The following SMAD3 variants were observed in gnomAD, a reference collection of about 807,000 sequenced individuals.
The protein encoded by SMAD3 is MAD homolog 3.
A neutral mutation model predicts 51.8 loss-of-function variants in SMAD3; 12 were observed. The ratio of observed to expected loss-of-function variants is 0.23; its 90% CI spans 0.15 to 0.38. SMAD3 has a LOEUF of 0.38. Ranked by LOEUF, SMAD3 falls within the 10% of genes least tolerant of loss-of-function variation. SMAD3 has a pLI of 1.00. For missense variants in SMAD3, 294 were observed against 565.6 expected (o/e 0.52, Z 4.87); for synonymous variants, 238 against 227.7 (o/e 1.05, Z -0.41).
chr15:67,096,425 A>ATAC (rs1179240221), intron 1 of SMAD3, among the ~76,000 whole-genome samples: 1 of 152,254 alleles, frequency 6.6e-6, no homozygotes, highest in Non-Finnish European at 1.5e-5. Context: ...GTGATTCCAC[A>ATAC]TACTAGTTAA....
intron 1 of SMAD3, among the ~76,000 whole-genome samples, chr15:67,162,695 C>T (rs555085104): frequency 1.1e-4 from 16 of 152,078 alleles, no homozygotes; most frequent in South Asian, 8.3e-4. Context: ...TCTGTTCTTC[C>T]GACCTCACCA....
chr15:67,125,064 G>A (rs2140246767), intron 1 of SMAD3, among the ~76,000 whole-genome samples: 1 of 152,366 alleles, frequency 6.6e-6, no homozygotes, highest in East Asian at 1.9e-4. Context: ...AGAGAGCTGG[G>A]TGGGTCGGGG....
intron 1 of SMAD3, among the ~76,000 whole-genome samples, chr15:67,102,583 C>A (rs12901820): frequency 6.6e-5 from 10 of 152,018 alleles, no homozygotes; most frequent in Non-Finnish European, 1.3e-4. Context: ...CTGGGATGAC[C>A]TGTGTGTATA....
chr15:67,150,273 C>A (rs1450642146), intron 1 of SMAD3, among the ~76,000 whole-genome samples: 2 of 151,806 alleles, frequency 1.3e-5, no homozygotes, highest in Non-Finnish European at 2.9e-5. Flanking sequence ...TTAAGGAAGT[C>A]AAAACTGTGC....
chr15:67,165,415 G>A (rs764226454), intron 3 of SMAD3, 31 bp downstream of exon 3: 5 of 1,612,678 alleles, frequency 3.1e-6, no homozygotes, highest in Non-Finnish European at 3.4e-6. Context: ...GGCTGGCCTG[G>A]GAGGCAGGGG....
intron 1 of SMAD3, among the ~76,000 whole-genome samples, chr15:67,088,497 G>A (rs995734885): frequency 5.3e-5 from 8 of 152,216 alleles, no homozygotes; most frequent in African/African-American, 1.9e-4. Flanking sequence ...AAGCTGCCCA[G>A]GGCCCAAGCG....
intron 4 of SMAD3, among the ~76,000 whole-genome samples, chr15:67,168,523 G>A (rs1372276786): frequency 6.6e-6 from 1 of 152,170 alleles, no homozygotes; most frequent in African/African-American, 2.4e-5. Flanking sequence ...CCCACTCTGC[G>A]CTCCCTCTTC....
At chr15:67,131,159 A>G (rs926123591) in intron 1 of SMAD3, among the ~76,000 whole-genome samples, 1 of 152,202 alleles carries the variant, frequency 6.6e-6, no homozygotes, top group Non-Finnish European at 1.5e-5. Context: ...CTTGTCCTAC[A>G]TGCTATTGCC....
intron 1 of SMAD3, chr15:67,146,795 G>A (rs777896588): frequency 6.6e-6 from 1 of 152,136 alleles, no homozygotes; most frequent in South Asian, 2.1e-4. Flanking sequence ...GTAGAAAAAA[G>A]GCTCTTTCTC....
chr15:67,077,377 A>C (rs1960193355), intron 1 of SMAD3, among the ~76,000 whole-genome samples: 4 of 152,202 alleles, frequency 2.6e-5, no homozygotes, highest in South Asian at 4.1e-4. Flanking sequence ...CTCACCCTCA[A>C]CCCAGGCCAG....
chr15:67,103,640 G>T (rs765778576), intron 1 of SMAD3, among the ~76,000 whole-genome samples: 19 of 152,290 alleles, frequency 1.2e-4, no homozygotes, highest in Non-Finnish European at 2.4e-4. Context: ...TGTGACTGCT[G>T]GTTGTGGAGC....
intron 1 of SMAD3, among the ~76,000 whole-genome samples, chr15:67,112,841 C>T (rs1227975528): frequency 7.6e-6 from 1 of 131,016 alleles, no homozygotes; most frequent in African/African-American, 3.0e-5. Context: ...AGGGGTTCAA[C>T]TTCATTCTTT....
chr15:67,160,981 A>G (rs1219328599), intron 1 of SMAD3, among the ~76,000 whole-genome samples: 2 of 150,400 alleles, frequency 1.3e-5, no homozygotes, highest in Admixed American at 1.3e-4. Flanking sequence ...TTTTTTTTTT[A>G]TTATTATTAA....
At position 67,184,760 on chromosome 15, in the gene SMAD3, A is replaced by T. The variant is rs1963176216; in HGVS notation, c.905A>T (p.Glu302Val). The change falls in exon 7 of 9, where the codon GAG becomes GTG. Residue 302 changes from glutamate (E) to valine (V), a missense_variant. By Grantham distance (121) the Glu-to-Val change is moderately radical. Transcript: ENST00000327367. ...RGVRLYYIGG[E>V]VFAECLSDSA... ...GTGCGGCTCTACTACATCGGAGGGG[A>T]GGTCTTCGCAGAGTGCCTCAGTGAC... 6.2e-7 allele frequency: 1 copy of T among 1,613,758 alleles called. No homozygotes were observed. Among genetic ancestry groups the T allele is most frequent in the Non-Finnish European group, 8.5e-7 (1 of 1,180,032 alleles).
At chr15:67,150,847 CTTTTTTT>C (rs58914503) in intron 1 of SMAD3, among the ~76,000 whole-genome samples, 1,026 of 14,580 alleles carry the variant, frequency 0.07, 14 homozygotes, top group Non-Finnish European at 0.096. Flanking sequence ...ATTTCTCAGT[CTTTTTTT>C]TTTTTTTTTT....
At chr15:67,121,937 C>G (rs544188157) in intron 1 of SMAD3, among the ~76,000 whole-genome samples, 22 of 152,334 alleles carry the variant, frequency 1.4e-4, no homozygotes, top group Middle Eastern at 6.8e-3. Flanking sequence ...TATCCACCAC[C>G]CTCATGTGGC....
intron 1 of SMAD3, among the ~76,000 whole-genome samples, chr15:67,103,365 C>G (rs1349401253): frequency 6.6e-6 from 1 of 152,186 alleles, no homozygotes; most frequent in African/African-American, 2.4e-5. Flanking sequence ...CCCACCTTGA[C>G]TGTATTGAAG....
At chr15:67,079,528 G>A (rs993050074) in intron 1 of SMAD3, among the ~76,000 whole-genome samples, 9 of 152,168 alleles carry the variant, frequency 5.9e-5, no homozygotes, top group Admixed American at 2.0e-4. Context: ...GAAGATGGTC[G>A]AGTCAGCAGT....
At chr15:67,150,822 T>TTTTTTAA (rs1386192487) in intron 1 of SMAD3, among the ~76,000 whole-genome samples, 1 of 126,214 alleles carries the variant, frequency 7.9e-6, no homozygotes, top group Non-Finnish European at 1.7e-5. Context: ...TTTTTTTTAT[T>TTTTTTAA]AAGAGAGCAA....
Sources: gnomAD v4.1 joint callset for allele counts (sites outside exome capture counted in the v4.1 genomes callset) on GRCh38, gnomAD v4.1.1 for gene constraint, MANE v1.5 for transcripts, NCBI Gene and HGNC (gene_info 2026-07-23, HGNC 2026-07-21) for gene names.